CCDC15: variants seen among roughly 807,000 people sequenced by gnomAD.
CCDC15 encodes coiled-coil domain containing 15.
A neutral mutation model predicts 114.5 loss-of-function variants in CCDC15; 105 were observed. The ratio of observed to expected loss-of-function variants is 0.92; its 90% CI spans 0.78 to 1.08. CCDC15 has a LOEUF of 1.08. Ranked by LOEUF, CCDC15 falls within the 50% of genes least tolerant of loss-of-function variation. The pLI is 0.00. For synonymous variants in CCDC15, 334 were observed against 377.8 expected, an observed-to-expected ratio of 0.88 and a Z score of 1.34; for missense variants, 1,105 against 1,093.6, an observed-to-expected ratio of 1.01 and a Z score of -0.15.
intron 13 of CCDC15, among the ~76,000 whole-genome samples, chr11:125,032,001 A>G (rs1948742692): frequency 6.6e-6 from 1 of 152,224 alleles, no homozygotes; most frequent in Non-Finnish European, 1.5e-5. Context: ...GACAGGTCCC[A>G]CACCACTGGA....
intron 11 of CCDC15, among the ~76,000 whole-genome samples, chr11:124,999,564 C>T (rs933117425): frequency 1.3e-5 from 2 of 151,796 alleles, no homozygotes; most frequent in African/African-American, 2.4e-5. Context: ...TGAGTCTATC[C>T]AGTGAAATTT....
rs752080572 is a variant in CCDC15, at chr11:124,987,485, T to C, written c.1259T>C (p.Leu420Pro). The C allele has an allele frequency of 5.1e-5, 83 of 1,613,884 alleles. No homozygotes were observed. The East Asian group carries it at 1.8e-3, about 36-fold the overall frequency. ...QDFLPTNQAL[L>P]TKNQDVLLKD... ...TTTCTACCCACAAATCAGGCTCTTC[T>C]AACGAAAAACCAGGATGTTTTACTC... is the stretch of plus-strand genomic sequence containing the variant. The change falls in exon 8 of 16, where the codon CTA (leucine) becomes CCA (proline). Residue 420 changes from leucine (L) to proline (P), a missense_variant. Leu to Pro is a moderately conservative substitution (Grantham distance 98). Transcript: ENST00000344762.
At chr11:125,027,838 T>G (rs958906686) in intron 13 of CCDC15, among the ~76,000 whole-genome samples, 1 of 152,126 alleles carries the variant, frequency 6.6e-6, no homozygotes, top group East Asian at 1.9e-4. Context: ...GTTTTTTTGA[T>G]GTTATCTTTT....
At chr11:124,976,672 C>T (rs188201036) in intron 5 of CCDC15, among the ~76,000 whole-genome samples, 1 of 152,134 alleles carries the variant, frequency 6.6e-6, no homozygotes, top group East Asian at 1.9e-4. Flanking sequence ...ATTTATATTG[C>T]TTGGAACATG....
chr11:124,998,094 A>G (rs1356382607), intron 11 of CCDC15, among the ~76,000 whole-genome samples: 3 of 152,214 alleles, frequency 2.0e-5, no homozygotes, highest in Non-Finnish European at 2.9e-5. Flanking sequence ...CTTCTAAGCA[A>G]TGAACTTGGA....
At chr11:125,016,018 T>TA (rs1233473444) in intron 13 of CCDC15, among the ~76,000 whole-genome samples, 29 of 152,188 alleles carry the variant, frequency 1.9e-4, no homozygotes, top group African/African-American at 7.0e-4. Context: ...CATACTGAAA[T>TA]AAAATATTCC....
At position 125,005,146 on chromosome 11, in the gene CCDC15, T is replaced by C; in HGVS notation, c.2345T>C (p.Met782Thr). ...TACCTGAGACATAGACGACTTTTCA[T>C]GGATATTGAGAGAGAACAAGTTAAA... ...KQYLRHRRLF[M>T]DIEREQVKEQ... Residue 782 changes from methionine (M) to threonine (T), a missense_variant, in exon 13 of 16, where the codon ATG becomes ACG. Physicochemically the swap from Met to Thr is moderately conservative, Grantham distance 81. Coordinates refer to ENST00000344762, the MANE Select transcript of CCDC15 (RefSeq NM_025004.3). 2 of 1,568,366 alleles carry C rather than the reference T, an allele frequency of 1.3e-6. No homozygotes were observed. The highest frequency in any genetic ancestry group is 1.7e-6 in the Non-Finnish European group (2 of 1,153,342).
chr11:124,968,289 G>T (rs528021260), intron 4 of CCDC15, among the ~76,000 whole-genome samples: 1 of 151,994 alleles, frequency 6.6e-6, no homozygotes, highest in African/African-American at 2.4e-5. Context: ...GACAGGCCTC[G>T]TTGAGCTGCA....
intron 13 of CCDC15, among the ~76,000 whole-genome samples, chr11:125,013,395 CCTATAATCTTA>C (rs1331983414): frequency 5.3e-5 from 8 of 152,044 alleles, no homozygotes; most frequent in African/African-American, 1.9e-4. Context: ...AGGCAAAAGT[CCTATAATCTTA>C]CTATAATCTT....
At chr11:124,962,031 C>A (rs1947670487) in intron 4 of CCDC15, among the ~76,000 whole-genome samples, 2 of 151,910 alleles carry the variant, frequency 1.3e-5, no homozygotes, top group Admixed American at 6.6e-5. Context: ...TTTTATAATA[C>A]CCCCACACTT....
At chr11:124,957,350 G>A (rs897935485) in intron 2 of CCDC15, among the ~76,000 whole-genome samples, 4 of 152,198 alleles carry the variant, frequency 2.6e-5, no homozygotes, top group Non-Finnish European at 5.9e-5. Context: ...CATATCTGAC[G>A]CTTGGCCTAG....
intron 6 of CCDC15, among the ~76,000 whole-genome samples, chr11:124,980,512 T>C (rs1261894606): frequency 6.6e-6 from 1 of 152,232 alleles, no homozygotes; most frequent in Non-Finnish European, 1.5e-5. Context: ...GTTGTATGTT[T>C]CCAGATATTT....
At chr11:125,007,724 C>T (rs982140009) in intron 13 of CCDC15, among the ~76,000 whole-genome samples, 2 of 152,102 alleles carry the variant, frequency 1.3e-5, no homozygotes, top group Non-Finnish European at 2.9e-5. Context: ...TCCCTTTTCT[C>T]TACATCCTCA....
intron 12 of CCDC15, among the ~76,000 whole-genome samples, chr11:125,004,329 T>G (rs1299741792): frequency 6.6e-6 from 1 of 151,944 alleles, no homozygotes; most frequent in African/African-American, 2.4e-5. Context: ...CAGAATCAGA[T>G]GGGGAGCTTT....
chr11:124,977,045 T>G (rs1261921130), intron 5 of CCDC15, among the ~76,000 whole-genome samples: 1 of 152,140 alleles, frequency 6.6e-6, no homozygotes, highest in East Asian at 1.9e-4. Context: ...AGTGGGAATT[T>G]GCAAATCAGA....
At chr11:125,012,517 A>T (rs1340580003) in intron 13 of CCDC15, among the ~76,000 whole-genome samples, 1 of 152,226 alleles carries the variant, frequency 6.6e-6, no homozygotes, top group African/African-American at 2.4e-5. Flanking sequence ...TAATATAATT[A>T]GTGCAGTTGC....
Position 124,992,695 on chromosome 11 carries a change from C to T in CCDC15, c.2139+8C>T, listed in dbSNP as rs777603078. On this transcript the variant is annotated splice_region_variant and intron_variant, in intron 10 of 15. Transcript: ENST00000344762. Reference sequence around the variant, plus strand: ...GACTCCCCTAGAGAACAGGTAGAACCGAATACAGTAGGAGGACTGTATACC... The same window carrying T: ...GACTCCCCTAGAGAACAGGTAGAACTGAATACAGTAGGAGGACTGTATACC... The T allele has an allele frequency of 8.3e-6, 12 of 1,453,066 alleles. No individual in the cohort carries two copies. The highest frequency in any genetic ancestry group is 2.4e-5 in the South Asian group (2 of 83,150). 90.0% of individuals were successfully genotyped at this position (1,453,066 alleles called of 1,614,324 possible). A position where few individuals can be genotyped will look rare whatever the true frequency, so the allele number is the denominator to read the frequency against.
chr11:124,975,194 C>G lies in CCDC15; in HGVS notation c.615C>G (p.Ser205Arg). The change falls in exon 5 of 16, where the codon AGC becomes AGG. Residue 205 changes from serine (S) to arginine (R), a missense_variant. Physicochemically the swap from Ser to Arg is moderately radical, Grantham distance 110 (BLOSUM62 -1). Coordinates refer to ENST00000344762, the MANE Select transcript of CCDC15 (RefSeq NM_025004.3). ...GSVFPDDGRK[S>R]FLTREEVLSR... ...TGTTTCCAGATGATGGAAGGAAAAG[C>G]TTTCTTACCAGAGAGGTAAATTAAT... The G allele has an allele frequency of 1.3e-6, 2 of 1,576,886 alleles. No individual in the cohort carries two copies. Among genetic ancestry groups the G allele is most frequent in the Non-Finnish European group, 1.7e-6 (2 of 1,163,702 alleles).
chr11:125,007,440 C>T (rs762072295), intron 13 of CCDC15, among the ~76,000 whole-genome samples: 6 of 152,142 alleles, frequency 3.9e-5, no homozygotes, highest in Non-Finnish European at 7.4e-5. Flanking sequence ...AATAGTATTC[C>T]ACTGTGTGTA....
Sources: allele counts gnomAD v4.1 joint callset (sites outside exome capture counted in the v4.1 genomes callset), GRCh38; gene constraint gnomAD v4.1.1; transcripts MANE v1.5; gene names NCBI Gene and HGNC (gene_info 2026-07-23, HGNC 2026-07-21).